SUMO3: variants seen among roughly 807,000 people sequenced by gnomAD.
SUMO3 encodes the protein small ubiquitin like modifier 3.
A neutral mutation model predicts 11.1 loss-of-function variants in SUMO3; 2 were observed. The ratio of observed to expected loss-of-function variants is 0.18; its 90% CI spans 0.07 to 0.57. SUMO3 has a LOEUF of 0.57. SUMO3 is among the 20% of genes least tolerant of loss of function. SUMO3 has a pLI of 0.92. For missense variants in SUMO3, 70 were observed against 132.8 expected, an observed-to-expected ratio of 0.53 and a Z score of 2.32; for synonymous variants, 56 against 53.5, an observed-to-expected ratio of 1.05 and a Z score of -0.20.
intron 1 of SUMO3, among the ~76,000 whole-genome samples, chr21:44,816,804 GGGGT>G (rs1394186667): frequency 6.6e-6 from 1 of 151,704 alleles, no homozygotes; most frequent in East Asian, 1.9e-4. Context: ...TGGATAAGGA[GGGGT>G]GGGCGCGCAT....
rs1173988257 is a variant in SUMO3, at chr21:44,809,848, G to C, written c.151-730C>G. On this transcript the variant is annotated intron_variant, in intron 2 of 3. Coordinates refer to ENST00000332859, the MANE Select transcript of SUMO3 (RefSeq NM_006936.3). ...GTGTGGAATGGTCAATTCAAACACT[G>C]AATCTTCTCTGTCCTGGTGCCCTGA... Among the ~76,000 whole-genome samples, 3 of 152,228 alleles carry C rather than the reference G, an allele frequency of 2.0e-5. No individual in the cohort carries two copies. The East Asian group carries it at 5.8e-4, about 29-fold the overall frequency.
At chr21:44,809,344 A>G (rs980756958) in intron 2 of SUMO3, among the ~76,000 whole-genome samples, 4 of 152,224 alleles carry the variant, frequency 2.6e-5, no homozygotes, top group African/African-American at 9.6e-5. Flanking sequence ...TGGGCCTACA[A>G]TCTCTTTCAC....
chr21:44,808,999 C>T lies in SUMO3; in HGVS notation c.222+48G>A, dbSNP rs763749389. The T allele has an allele frequency of 4.6e-6, 7 of 1,537,034 alleles. No homozygotes were observed. The Admixed American group carries it at 5.0e-5, about 11-fold the overall frequency. ...AGCGTATCCCAAATGGCAGTTACCC[C>T]GCACAAATCGGAAGTCGCCCTGGAA... On this transcript the variant is annotated intron_variant, in intron 3 of 3. Transcript: ENST00000332859.
At position 44,811,178 on chromosome 21, in the gene SUMO3, A is replaced by C. The variant is rs1245023070; in HGVS notation, c.151-2060T>G. 6.7e-6 allele frequency among the ~76,000 whole-genome samples: 1 copy of C among 150,144 alleles called. No homozygotes were observed. The highest frequency in any genetic ancestry group is 2.4e-5 in the African/African-American group (1 of 41,108). On this transcript the variant is annotated intron_variant, in intron 2 of 3. Coordinates refer to ENST00000332859, the MANE Select transcript of SUMO3 (RefSeq NM_006936.3). The surrounding 1 kb of genome is among the most constrained non-coding windows in gnomAD (Gnocchi z 5.0). Reference sequence around the variant, plus strand: ...CACACAGGCACACACCCACACATACACACACATGCACAAAGACACGGACAT... The same window carrying C: ...CACACAGGCACACACCCACACATACCCACACATGCACAAAGACACGGACAT...
intron 3 of SUMO3, chr21:44,808,323 T>C (rs770147730): frequency 2.3e-4 from 87 of 371,386 alleles, no homozygotes; most frequent in Admixed American, 1.1e-3. Flanking sequence ...CCATCCTGGC[T>C]AACATGGTGA....
At chr21:44,808,846 G>GC in intron 3 of SUMO3, 2 of 675,848 alleles carry the variant, frequency 3.0e-6, no homozygotes, top group Non-Finnish European at 2.5e-6. Context: ...TCTCCAAACA[G>GC]CAAGAATGAT....
intron 2 of SUMO3, among the ~76,000 whole-genome samples, chr21:44,813,320 A>G (rs1023358518): frequency 1.3e-5 from 2 of 152,144 alleles, no homozygotes; most frequent in African/African-American, 4.8e-5. Context: ...AAGCCCATAA[A>G]AGTGGCCTAG....
Position 44,806,847 on chromosome 21 carries a change from G to C in SUMO3, c.*104C>G, listed in dbSNP as rs1416950086. ...TCAAAGAGAGGAAAATCATCGTGGT[G>C]AATGTCCTCGAGTTTCCGCAGACAC... On this transcript the variant is annotated 3_prime_UTR_variant, in exon 4 of 4. Coordinates refer to ENST00000332859, the MANE Select transcript of SUMO3 (RefSeq NM_006936.3). 1.3e-6 allele frequency: 2 copies of C among 1,526,476 alleles called. No individual in the cohort carries two copies. Among genetic ancestry groups the C allele is most frequent in the Non-Finnish European group, 1.8e-6 (2 of 1,130,172 alleles). The allele number at this position is 1,526,476 out of a possible 1,614,324, so 94.6% of individuals were successfully genotyped here. A position where few individuals can be genotyped will look rare whatever the true frequency, so the allele number is the denominator to read the frequency against.
At position 44,811,054 on chromosome 21, in the gene SUMO3, ACC is replaced by A. The variant is rs1425187801; in HGVS notation, c.151-1938_151-1937del. Reference sequence around the variant, plus strand: ...CACACCCACATACACACACGCACACACCCACACATACACACACACGAATGCAC... The same window carrying A: ...CACACCCACATACACACACGCACACACACACATACACACACACGAATGCAC... On this transcript the variant is annotated intron_variant, in intron 2 of 3. Coordinates refer to ENST00000332859, the MANE Select transcript of SUMO3 (RefSeq NM_006936.3). The surrounding 1 kb of genome is among the most constrained non-coding windows in gnomAD (Gnocchi z 5.0). Among the ~76,000 whole-genome samples the A allele has an allele frequency of 6.8e-6, 1 of 147,390 alleles. No homozygotes were observed. The highest frequency in any genetic ancestry group is 6.8e-5 in the Admixed American group (1 of 14,756).
At chr21:44,813,540 T>A (rs1278172279) in intron 2 of SUMO3, 4 of 407,156 alleles carry the variant, frequency 9.8e-6, no homozygotes, top group Non-Finnish European at 1.8e-5. Context: ...ACACCGCACA[T>A]GAGGGCAGTG....
intron 2 of SUMO3, 36 bp downstream of exon 2, chr21:44,813,940 C>T: frequency 1.2e-6 from 2 of 1,604,962 alleles, no homozygotes; most frequent in South Asian, 2.2e-5. Flanking sequence ...CCAGTGCGCA[C>T]ACGGGGAGGC....
chr21:44,817,690 C>G (rs978992383), intron 1 of SUMO3, among the ~76,000 whole-genome samples: 2 of 150,592 alleles, frequency 1.3e-5, no homozygotes, highest in Non-Finnish European at 3.0e-5. Flanking sequence ...CGCGCGCCTT[C>G]CCAGCTGGGG....
Position 44,806,481 on chromosome 21 carries a change from G to C in SUMO3, c.*470C>G, listed in dbSNP as rs192768583. The C allele has an allele frequency of 1.3e-4, 21 of 156,128 alleles. No homozygotes were observed. The East Asian group carries it at 3.8e-3, about 28-fold the overall frequency. The allele number at this position is 156,128 out of a possible 1,614,324, so 9.7% of individuals were successfully genotyped here. A position where few individuals can be genotyped will look rare whatever the true frequency, so the allele number is the denominator to read the frequency against. On this transcript the variant is annotated 3_prime_UTR_variant, in exon 4 of 4. Transcript: ENST00000332859. ...TAATCACCTGTGCCTGTAACAGCAA[G>C]TGACAGTCTGTCCTCCCTACCAACC...
chr21:44,816,176 G>A (rs1394650519), intron 1 of SUMO3, among the ~76,000 whole-genome samples: 1 of 152,186 alleles, frequency 6.6e-6, no homozygotes, highest in Non-Finnish European at 1.5e-5. Context: ...TGTAAATACT[G>A]CTGAGAAAAT....
chr21:44,817,622 G>A (rs1263093872), intron 1 of SUMO3, among the ~76,000 whole-genome samples: 1 of 151,670 alleles, frequency 6.6e-6, no homozygotes, highest in East Asian at 2.0e-4. Flanking sequence ...CGAGGGCGCC[G>A]CGCTCTGCAG....
chr21:44,808,154 T>C (rs980513322), intron 3 of SUMO3: 1 of 169,586 alleles, frequency 5.9e-6, no homozygotes, highest in South Asian at 2.0e-4. Flanking sequence ...GATGAAGTGA[T>C]GCTTGGTCAC....
intron 1 of SUMO3, among the ~76,000 whole-genome samples, chr21:44,816,421 G>C (rs1352615271): frequency 6.6e-6 from 1 of 152,170 alleles, no homozygotes; most frequent in Non-Finnish European, 1.5e-5. Context: ...GCAGAGTGCA[G>C]ACTTCCATAG....
At position 44,817,989 on chromosome 21, in the gene SUMO3, G is replaced by A; in HGVS notation, c.-21C>T. 1 of 1,180,178 alleles carries A rather than the reference G, an allele frequency of 8.5e-7. No individual in the cohort carries two copies. 73.1% of individuals were successfully genotyped at this position (1,180,178 alleles called of 1,614,324 possible). ...GACATGGCTGCGCGAGCGGCGCGGG[G>A]AGGCGGCGCGGGGGAAGCAGCGCGG... is the stretch of plus-strand genomic sequence containing the variant. On this transcript the variant is annotated 5_prime_UTR_variant, in exon 1 of 4. Transcript: ENST00000332859.
At chr21:44,817,011 G>A (rs2083248610) in intron 1 of SUMO3, among the ~76,000 whole-genome samples, 1 of 141,606 alleles carries the variant, frequency 7.1e-6, no homozygotes, top group South Asian at 2.3e-4. Context: ...CGCACACTGG[G>A]GGACGCGACG....
Sources: allele counts gnomAD v4.1 joint callset (sites outside exome capture counted in the v4.1 genomes callset), GRCh38; gene constraint gnomAD v4.1.1; non-coding constraint Gnocchi (gnomAD v3.1); transcripts MANE v1.5; gene names NCBI Gene and HGNC (gene_info 2026-07-23, HGNC 2026-07-21).